Variants in NEGR1 observed in about 807,000 individuals in gnomAD.
NEGR1 encodes IgLON family member 4.
Under a neutral mutation model 40.9 loss-of-function variants are expected in NEGR1, and 10 were observed. That is an observed-to-expected ratio of 0.24 (90% CI 0.15 to 0.42). The LOEUF is 0.42. NEGR1 is among the 10% of genes least tolerant of loss of function. The pLI, the probability that NEGR1 is intolerant of heterozygous loss-of-function variation, is 1.00. For missense variants in NEGR1, 352 were observed against 438.9 expected (o/e 0.80, Z 1.77); for synonymous variants, 185 against 166.8 (o/e 1.11, Z -0.84).
At position 71,999,249 on chromosome 1, in the gene NEGR1, A is replaced by G. The variant is rs535941871; in HGVS notation, c.177-63938T>C. Among the ~76,000 whole-genome samples the G allele has an allele frequency of 2.6e-4, 40 of 151,986 alleles. No individual in the cohort carries two copies. In the South Asian group the frequency reaches 8.1e-3, roughly 31 times the overall value. ...ATCATTACTTGGAAAAATATCTTCT[A>G]TTTTAAAAGAGTTCAACTTTGAATA... On this transcript the variant is annotated intron_variant, in intron 1 of 6. Transcript: ENST00000357731.
chr1:72,060,139 T>C (rs1647152808), intron 1 of NEGR1, among the ~76,000 whole-genome samples: 1 of 151,680 alleles, frequency 6.6e-6, no homozygotes, highest in Non-Finnish European at 1.5e-5. Context: ...TATTAATAAT[T>C]TACACCCATG....
At chr1:71,440,636 A>G (rs1310558924) in intron 6 of NEGR1, among the ~76,000 whole-genome samples, 1 of 152,120 alleles carries the variant, frequency 6.6e-6, no homozygotes, top group East Asian at 1.9e-4. Context: ...AACAGCATCA[A>G]CCTCAGCTGG....
intron 3 of NEGR1, among the ~76,000 whole-genome samples, chr1:71,768,597 T>C (rs1209711988): frequency 2.0e-5 from 3 of 152,208 alleles, no homozygotes; most frequent in African/African-American, 7.2e-5. Context: ...CTTTGAACTT[T>C]GGACTTTTAA....
At chr1:72,045,493 TCTC>T (rs1274163001) in intron 1 of NEGR1, among the ~76,000 whole-genome samples, 3 of 151,692 alleles carry the variant, frequency 2.0e-5, no homozygotes, top group Non-Finnish European at 4.4e-5. Flanking sequence ...CCTGTGCTGT[TCTC>T]CTGATAGTGA....
At chr1:72,236,002 T>C (rs1012013183) in intron 1 of NEGR1, among the ~76,000 whole-genome samples, 1 of 152,122 alleles carries the variant, frequency 6.6e-6, no homozygotes, top group African/African-American at 2.4e-5. Flanking sequence ...ATTGCAGCAC[T>C]GTTCACAATA....
intron 6 of NEGR1, among the ~76,000 whole-genome samples, chr1:71,577,593 C>T (rs1017303607): frequency 3.3e-5 from 5 of 152,188 alleles, no homozygotes; most frequent in African/African-American, 1.2e-4. Flanking sequence ...TATACATGCA[C>T]ATGCACTTTA....
chr1:71,538,749 C>T (rs1390048332), intron 6 of NEGR1, among the ~76,000 whole-genome samples: 1 of 151,638 alleles, frequency 6.6e-6, no homozygotes, highest in Non-Finnish European at 1.5e-5. Context: ...CACACTTTTG[C>T]CCTAAGCAGA....
chr1:71,612,145 C>T (rs188099188), intron 4 of NEGR1, among the ~76,000 whole-genome samples: 1,944 of 152,278 alleles, frequency 0.013, 55 homozygotes, highest in African/African-American at 0.044. Flanking sequence ...TGGCGTGAAC[C>T]CAGGGGGCAA....
intron 1 of NEGR1, among the ~76,000 whole-genome samples, chr1:71,977,002 T>G (rs2489821): frequency 0.55 from 83,056 of 152,010 alleles, 24,157 homozygotes; most frequent in African/African-American, 0.73. Context: ...GTTACAGAAT[T>G]CTAGGTAATA....
intron 6 of NEGR1, among the ~76,000 whole-genome samples, chr1:71,430,717 T>A (rs1257888006): frequency 1.0e-4 from 15 of 143,752 alleles, no homozygotes; most frequent in African/African-American, 3.9e-4. Context: ...TTTTTTTTTT[T>A]TTTTTTTGAG....
intron 6 of NEGR1, among the ~76,000 whole-genome samples, chr1:71,531,146 T>C (rs1647346090): frequency 6.6e-6 from 1 of 151,272 alleles, no homozygotes; most frequent in African/African-American, 2.4e-5. Context: ...TTGATATAAA[T>C]AACATACTGA....
intron 3 of NEGR1, among the ~76,000 whole-genome samples, chr1:71,774,688 A>C (rs560561613): frequency 0.026 from 377 of 14,722 alleles, 2 homozygotes; most frequent in African/African-American, 0.031. Context: ...TATTTTCACA[A>C]AAAAAAAATA....
intron 1 of NEGR1, among the ~76,000 whole-genome samples, chr1:71,942,452 A>AGTCTATATAT (rs1645968015): frequency 2.9e-5 from 1 of 34,262 alleles, no homozygotes; most frequent in Non-Finnish European, 5.7e-5. Context: ...AAATTCTTTA[A>AGTCTATATAT]ATCTATATAT....
chr1:71,838,709 ATTAT>A (rs1421356189), intron 2 of NEGR1, among the ~76,000 whole-genome samples: 1 of 152,096 alleles, frequency 6.6e-6, no homozygotes, highest in Non-Finnish European at 1.5e-5. Flanking sequence ...TGTTAATAAC[ATTAT>A]TTAAATTCTC....
chr1:71,500,827 C>G (rs1646993793), intron 6 of NEGR1, among the ~76,000 whole-genome samples: 2 of 151,894 alleles, frequency 1.3e-5, no homozygotes, highest in African/African-American at 4.8e-5. Flanking sequence ...TTTATAATAT[C>G]TAATAAAATG....
chr1:71,792,962 A>G (rs1557654174), intron 2 of NEGR1, among the ~76,000 whole-genome samples: 1 of 151,970 alleles, frequency 6.6e-6, no homozygotes, highest in Non-Finnish European at 1.5e-5. Context: ...TATGATTCCC[A>G]GATAAAGTTA....
At chr1:71,922,935 T>C (rs929417427) in intron 2 of NEGR1, among the ~76,000 whole-genome samples, 1 of 152,194 alleles carries the variant, frequency 6.6e-6, no homozygotes, top group Non-Finnish European at 1.5e-5. Flanking sequence ...GTCAATCTAA[T>C]ACTTATGCCA....
intron 1 of NEGR1, among the ~76,000 whole-genome samples, chr1:72,050,052 A>T (rs1245928865): frequency 6.6e-6 from 1 of 151,606 alleles, no homozygotes; most frequent in African/African-American, 2.4e-5. Flanking sequence ...TAAAAAGTCA[A>T]TGATGTTACA....
chr1:72,039,717 A>T (rs1197033024), intron 1 of NEGR1, among the ~76,000 whole-genome samples: 4 of 152,118 alleles, frequency 2.6e-5, no homozygotes, highest in South Asian at 4.1e-4. Context: ...GAGGTCAAAT[A>T]ATAAATACTC....
Sources: allele counts gnomAD v4.1 joint callset (sites outside exome capture counted in the v4.1 genomes callset), GRCh38; gene constraint gnomAD v4.1.1; transcripts MANE v1.5; gene names NCBI Gene and HGNC (gene_info 2026-07-23, HGNC 2026-07-21).